The following GXYLT1 variants were observed in gnomAD, a reference collection of about 807,000 sequenced individuals.
GXYLT1 encodes the protein glycosyltransferase 8 domain containing 3.
In GXYLT1, 29 loss-of-function variants were observed where a neutral mutation model predicts 54.0. That is an observed-to-expected ratio of 0.54 (90% confidence interval 0.40 to 0.73). The LOEUF (loss-of-function observed/expected upper bound fraction) is 0.73. Among genes scored for constraint, GXYLT1 ranks in the 30% least tolerant of loss-of-function variants. GXYLT1 has a pLI of 0.00. For synonymous variants in GXYLT1, 176 were observed against 204.1 expected, an observed-to-expected ratio of 0.86 and a Z score of 1.17; for missense variants, 490 against 553.4, an observed-to-expected ratio of 0.89 and a Z score of 1.15.
At chr12:42,111,029 T>A (rs2065450941) in intron 3 of GXYLT1, among the ~76,000 whole-genome samples, 1 of 152,192 alleles carries the variant, frequency 6.6e-6, no homozygotes, top group Admixed American at 6.5e-5. Context: ...GATAATGCAA[T>A]AAATGTTTTA....
intron 5 of GXYLT1, among the ~76,000 whole-genome samples, chr12:42,099,623 C>T (rs987629564): frequency 6.6e-6 from 1 of 152,162 alleles, no homozygotes; most frequent in African/African-American, 2.4e-5. Context: ...GAGGCCGAGG[C>T]AGGCTGATCA....
chr12:42,113,600 C>A (rs998249914), intron 3 of GXYLT1, among the ~76,000 whole-genome samples: 7 of 150,902 alleles, frequency 4.6e-5, no homozygotes, highest in Non-Finnish European at 2.9e-5. Flanking sequence ...AATATATATG[C>A]ACCCAATACA....
At chr12:42,124,357 TAG>T (rs1165808823) in intron 2 of GXYLT1, among the ~76,000 whole-genome samples, 8 of 152,004 alleles carry the variant, frequency 5.3e-5, no homozygotes, top group African/African-American at 9.7e-5. Context: ...TTCTAAAATT[TAG>T]AGTTTGTATA....
intron 2 of GXYLT1, among the ~76,000 whole-genome samples, chr12:42,127,044 A>T (rs2065567111): frequency 6.6e-6 from 1 of 152,196 alleles, no homozygotes; most frequent in African/African-American, 2.4e-5. Context: ...GAATATGATC[A>T]CCCAAATAAT....
rs2065441059 is a variant in GXYLT1, at chr12:42,109,688, C to A, written c.490G>T (p.Asp164Tyr). 1.3e-6 allele frequency: 2 copies of A among 1,493,832 alleles called. No individual in the cohort carries two copies. The highest frequency in any genetic ancestry group is 1.3e-5 in the South Asian group (1 of 79,708). The allele number at this position is 1,493,832 out of a possible 1,614,324, so 92.5% of individuals were successfully genotyped here. Residue 164 changes from aspartate to tyrosine, a missense_variant, in exon 4 of 8, where the codon GAC (aspartate) becomes TAC (tyrosine). This residue lies in a region of GXYLT1 where 342 missense variants were observed against 342.6 expected (regional missense o/e 1.00). Coordinates refer to ENST00000398675, the MANE Select transcript of GXYLT1 (RefSeq NM_173601.2). ...AATGTTTGTAGAAATGACCAGTTGT[C>A]AAGCTAAAACAATTTAAAAAAAAAC... ...QLHHSFKGRL[D>Y]NWSFLQTFNY...
chr12:42,137,548 C>A (rs565625317), intron 1 of GXYLT1, among the ~76,000 whole-genome samples: 1 of 141,050 alleles, frequency 7.1e-6, no homozygotes, highest in African/African-American at 2.6e-5. Context: ...GTCAGGAGAT[C>A]GAGACCATCC....
At chr12:42,093,302 T>A (rs1441923030) in intron 7 of GXYLT1, among the ~76,000 whole-genome samples, 1 of 152,092 alleles carries the variant, frequency 6.6e-6, no homozygotes, top group African/African-American at 2.4e-5. Context: ...TTCACCACTT[T>A]GGTGGCCAGG....
rs191693525 is a variant in GXYLT1 at position 42,102,880 on chromosome 12, G to A, written c.864+2938C>T. Among the ~76,000 whole-genome samples, 420 of 151,628 alleles carry A rather than the reference G, an allele frequency of 2.8e-3. 2 individuals are homozygous for A. The highest frequency in any genetic ancestry group is 3.6e-3 in the Non-Finnish European group (247 of 67,898). On this transcript the variant is annotated intron_variant, in intron 5 of 7. Transcript: ENST00000398675. ...GATTAAAAATTATGATTTTTAAAAA[G>A]TTGTATTTAATATTTAATTTAATTT... is the stretch of plus-strand genomic sequence containing the variant.
chr12:42,094,604 A>T (rs1038413425), intron 7 of GXYLT1, among the ~76,000 whole-genome samples: 4 of 151,750 alleles, frequency 2.6e-5, no homozygotes, highest in African/African-American at 9.7e-5. Context: ...GGTTACAATG[A>T]GTCAAGACTG....
At chr12:42,121,353 C>T (rs190727113) in intron 2 of GXYLT1, among the ~76,000 whole-genome samples, 59 of 152,282 alleles carry the variant, frequency 3.9e-4, no homozygotes, top group Non-Finnish European at 2.2e-4. Flanking sequence ...GCCTCAAGGC[C>T]GGGCATGGTG....
At chr12:42,118,522 A>G (rs1462823315) in intron 3 of GXYLT1, among the ~76,000 whole-genome samples, 1 of 152,268 alleles carries the variant, frequency 6.6e-6, no homozygotes, top group African/African-American at 2.4e-5. Flanking sequence ...CCCCACTTAC[A>G]AGGGCAGTGT....
Position 42,139,961 on chromosome 12 carries a change from C to G in GXYLT1, c.221+4465G>C, listed in dbSNP as rs2065642162. 4.6e-5 allele frequency among the ~76,000 whole-genome samples: 7 copies of G among 151,954 alleles called. No individual in the cohort carries two copies. In the South Asian group the frequency reaches 1.4e-3, roughly 31 times the overall value. On this transcript the variant is annotated intron_variant, in intron 1 of 7. Coordinates refer to ENST00000398675, the MANE Select transcript of GXYLT1 (RefSeq NM_173601.2). ...CTTTGGGAAGCCGAGGTGGGCGGAT[C>G]ATAAGGTCAGGAGATGGAGACCATC... is the stretch of plus-strand genomic sequence containing the variant.
intron 1 of GXYLT1, among the ~76,000 whole-genome samples, chr12:42,139,557 G>A (rs1030574690): frequency 1.3e-5 from 2 of 152,046 alleles, no homozygotes; most frequent in African/African-American, 2.4e-5. Context: ...CCAGGAAATG[G>A]GTCCTCATCA....
rs111538565 is a variant in GXYLT1 at position 42,086,182 on chromosome 12, C to G, written c.*1604G>C. On this transcript the variant is annotated 3_prime_UTR_variant, in exon 8 of 8. Coordinates refer to ENST00000398675, the MANE Select transcript of GXYLT1 (RefSeq NM_173601.2). ...TTTCTACTCAGTAAGCTCAATTTCA[C>G]AGTTTCTTATATTCACCATGGCATT... 2 of 148,884 alleles carry G rather than the reference C, an allele frequency of 1.3e-5. No individual in the cohort carries two copies. The highest frequency in any genetic ancestry group is 4.9e-5 in the African/African-American group (2 of 40,570). 9.2% of individuals were successfully genotyped at this position (148,884 alleles called of 1,614,324 possible).
chr12:42,109,654 G>A lies in GXYLT1; in HGVS notation c.524C>T (p.Thr175Met), dbSNP rs199982685. The part of the protein sequence containing the change: ...NWSFLQTFNY[T>M]LYPITFPSEN... ...ACTTGGAAAGGTTATGGGGTATAACGTATAATTAAATGTTTGTAGAAATGA... is the reference window on the plus strand; with the variant it reads ...ACTTGGAAAGGTTATGGGGTATAACATATAATTAAATGTTTGTAGAAATGA... Residue 175 changes from threonine (T) to methionine (M), a missense_variant, in exon 4 of 8, where the codon ACG (threonine) becomes ATG (methionine). This residue lies in a region of GXYLT1 where 342 missense variants were observed against 342.6 expected (regional missense o/e 1.00). Transcript: ENST00000398675. 17 of 1,564,020 alleles carry A rather than the reference G, an allele frequency of 1.1e-5. No homozygotes were observed. The highest frequency in any genetic ancestry group is 2.4e-5 in the South Asian group (2 of 84,766).
At position 42,144,821 on chromosome 12, in the gene GXYLT1, G is replaced by C. The variant is rs907233156; in HGVS notation, c.-175C>G. 2.5e-6 allele frequency: 1 copy of C among 403,490 alleles called. No individual in the cohort carries two copies. Among genetic ancestry groups the C allele is most frequent in the South Asian group, 6.6e-5 (1 of 15,160 alleles). The allele number at this position is 403,490 out of a possible 1,614,324, so 25.0% of individuals were successfully genotyped here. A position where few individuals can be genotyped will look rare whatever the true frequency, so the allele number is the denominator to read the frequency against. ...CCCGCCCACCACCTAGGCGAGCGCA[G>C]TCGCGGCTCCGGAGCCGAAGGACTA... is the stretch of plus-strand genomic sequence containing the variant. On this transcript the variant is annotated 5_prime_UTR_variant, in exon 1 of 8. Coordinates refer to ENST00000398675, the MANE Select transcript of GXYLT1 (RefSeq NM_173601.2).
Position 42,097,475 on chromosome 12 carries a change from T to C in GXYLT1, c.1128A>G (p.Pro376=), listed in dbSNP as rs2065362137. 4 of 1,598,322 alleles carry C rather than the reference T, an allele frequency of 2.5e-6. No homozygotes were observed. The highest frequency in any genetic ancestry group is 3.4e-6 in the Non-Finnish European group (4 of 1,176,580). The change falls in exon 7 of 8, where the codon CCA becomes CCG. Residue 376 remains proline (P), a synonymous_variant. Coordinates refer to ENST00000398675, the MANE Select transcript of GXYLT1 (RefSeq NM_173601.2). ...GTGCTTCATAAACAGCTCTAAATGCTGGTTGCTTATCGTCATGGTAAACAC... is the reference window on the plus strand; with the variant it reads ...GTGCTTCATAAACAGCTCTAAATGCCGGTTGCTTATCGTCATGGTAAACAC... The part of the protein sequence containing the change: ...NRGVYHDDKQ[P]AFRAVYEALR...
chr12:42,094,936 T>C (rs1323273273), intron 7 of GXYLT1, among the ~76,000 whole-genome samples: 1 of 152,162 alleles, frequency 6.6e-6, no homozygotes. Flanking sequence ...AACTTTGTGG[T>C]ATATAAATTA....
intron 3 of GXYLT1, among the ~76,000 whole-genome samples, chr12:42,113,889 C>A (rs1455511470): frequency 6.6e-6 from 1 of 151,254 alleles, no homozygotes; most frequent in Admixed American, 6.6e-5. Context: ...GTAAAGCATT[C>A]CTCAGCAAAT....
Sources: allele counts gnomAD v4.1 joint callset (sites outside exome capture counted in the v4.1 genomes callset), GRCh38; gene constraint gnomAD v4.1.1; regional missense constraint gnomAD v4.1.1; transcripts MANE v1.5; gene names NCBI Gene and HGNC (gene_info 2026-07-23, HGNC 2026-07-21).